Variants in ZMYND8 observed in about 807,000 individuals in gnomAD.
The protein encoded by ZMYND8 is zinc finger MYND-type containing 8.
In ZMYND8, 37 loss-of-function variants were observed where a neutral mutation model predicts 140.8. That is an observed-to-expected ratio of 0.26 (90% confidence interval 0.20 to 0.35). The LOEUF (loss-of-function observed/expected upper bound fraction) is 0.35, where lower values mean the gene tolerates loss of function less well. ZMYND8 is among the 10% of genes least tolerant of loss of function. ZMYND8 has a pLI of 1.00. For missense variants in ZMYND8, 1,068 were observed against 1,570.0 expected, an observed-to-expected ratio of 0.68 and a Z score of 5.40; for synonymous variants, 592 against 597.1, an observed-to-expected ratio of 0.99 and a Z score of 0.12.
chr20:47,215,617 C>G (rs751778058), intron 21 of ZMYND8, among the ~76,000 whole-genome samples: 1 of 152,012 alleles, frequency 6.6e-6, no homozygotes, highest in Admixed American at 6.6e-5. Flanking sequence ...CAAGTAACCC[C>G]CCTGACTCAG....
intron 2 of ZMYND8, among the ~76,000 whole-genome samples, chr20:47,314,195 C>T (rs977688008): frequency 3.3e-5 from 5 of 151,826 alleles, no homozygotes; most frequent in East Asian, 2.0e-4. Flanking sequence ...GACTGGATGA[C>T]GTTACGAAAA....
At chr20:47,262,526 T>C in intron 11 of ZMYND8, 98 bp from the exon 12 acceptor site, 3 of 1,512,910 alleles carry the variant, frequency 2.0e-6, no homozygotes, top group Non-Finnish European at 2.7e-6. Context: ...TATGAAATTG[T>C]GTTTGATTTC....
intron 15 of ZMYND8, 93 bp from the exon 16 acceptor site, chr20:47,236,609 C>T (rs952441940): frequency 2.3e-6 from 3 of 1,291,370 alleles, no homozygotes; most frequent in Non-Finnish European, 3.1e-6. Context: ...AATAGACATC[C>T]TGAGAGCTTT....
chr20:47,356,351 G>T, intron 1 of ZMYND8: 3 of 1,301,050 alleles, frequency 2.3e-6, no homozygotes, highest in Non-Finnish European at 3.0e-6. Flanking sequence ...AAAAAAGAAG[G>T]AAAAAAAAAA....
At chr20:47,327,632 C>A (rs2080552478) in intron 2 of ZMYND8, among the ~76,000 whole-genome samples, 1 of 151,932 alleles carries the variant, frequency 6.6e-6, no homozygotes, top group African/African-American at 2.4e-5. Flanking sequence ...CTTCAGCCTG[C>A]GCGGCAGAGT....
chr20:47,287,811 G>A (rs1427820546), intron 7 of ZMYND8, among the ~76,000 whole-genome samples: 1 of 150,996 alleles, frequency 6.6e-6, no homozygotes, highest in African/African-American at 2.5e-5. Context: ...GGGCAACATA[G>A]CGAGACCCCA....
At chr20:47,293,277 G>A (rs1011652729) in intron 5 of ZMYND8, among the ~76,000 whole-genome samples, 3 of 151,300 alleles carry the variant, frequency 2.0e-5, no homozygotes, top group Admixed American at 6.6e-5. Flanking sequence ...TTCATCTATA[G>A]AAAAAATGTC....
intron 2 of ZMYND8, among the ~76,000 whole-genome samples, chr20:47,315,870 G>A (rs770401285): frequency 2.0e-5 from 3 of 152,094 alleles, no homozygotes; most frequent in Non-Finnish European, 2.9e-5. Context: ...AAAAATGAGT[G>A]GTTCTGAATG....
intron 2 of ZMYND8, among the ~76,000 whole-genome samples, chr20:47,344,484 A>G (rs2082176694): frequency 1.3e-5 from 2 of 152,240 alleles, no homozygotes; most frequent in Admixed American, 1.3e-4. Flanking sequence ...TAAGTTCCAC[A>G]AAAACAAGAA....
At chr20:47,235,497 G>C (rs2039109255) in intron 16 of ZMYND8, among the ~76,000 whole-genome samples, 1 of 152,114 alleles carries the variant, frequency 6.6e-6, no homozygotes, top group Non-Finnish European at 1.5e-5. Context: ...CCGAGGTCAG[G>C]AGTTTGAGAC....
chr20:47,329,981 AATAC>A (rs1213947397), intron 2 of ZMYND8, among the ~76,000 whole-genome samples: 1 of 152,168 alleles, frequency 6.6e-6, no homozygotes, highest in African/African-American at 2.4e-5. Flanking sequence ...ATCAAAGCTG[AATAC>A]TTTCGTGGGC....
chr20:47,275,664 G>A (rs2076213288), intron 11 of ZMYND8, among the ~76,000 whole-genome samples: 2 of 151,998 alleles, frequency 1.3e-5, no homozygotes, highest in Admixed American at 1.3e-4. Flanking sequence ...ATACAACAGC[G>A]CAATCATAGC....
At chr20:47,316,448 T>C (rs1390589821) in intron 2 of ZMYND8, among the ~76,000 whole-genome samples, 1 of 152,074 alleles carries the variant, frequency 6.6e-6, no homozygotes, top group African/African-American at 2.4e-5. Flanking sequence ...AGGGGCATCT[T>C]AATTCAAGAT....
chr20:47,232,334 G>A (rs935080113), intron 16 of ZMYND8, among the ~76,000 whole-genome samples: 3 of 151,868 alleles, frequency 2.0e-5, no homozygotes, highest in Non-Finnish European at 2.9e-5. Flanking sequence ...AGATTACACT[G>A]CTGCACTCCA....
chr20:47,336,255 T>C (rs1317475132), intron 2 of ZMYND8, among the ~76,000 whole-genome samples: 1 of 152,174 alleles, frequency 6.6e-6, no homozygotes, highest in Admixed American at 6.5e-5. Flanking sequence ...AATTGTACAT[T>C]CTCTAGCATC....
In ZMYND8 at chr20:47,298,207, G is replaced by GT. The variant is rs894244503; in HGVS notation, c.453+521dup. On this transcript the variant is annotated intron_variant, in intron 4 of 22. Coordinates refer to ENST00000471951, the MANE Select transcript of ZMYND8 (RefSeq NM_001281775.3). This position sits in a 1 kb window ranked among gnomAD's most constrained non-coding sequence, Gnocchi z 5.0. ...GGAAAAAAAAAAATGATCCATGCCT[G>GT]TTTTTGTGCACTGTCGAATTCCCAG... 4 of 922,542 alleles carry GT rather than the reference G, an allele frequency of 4.3e-6. No homozygotes were observed. The African/African-American group carries it at 7.2e-5, about 17-fold the overall frequency. 57.1% of individuals were successfully genotyped at this position (922,542 alleles called of 1,614,324 possible). A position where few individuals can be genotyped will look rare whatever the true frequency, so the allele number is the denominator to read the frequency against.
intron 12 of ZMYND8, among the ~76,000 whole-genome samples, chr20:47,261,527 G>A (rs2075148180): frequency 6.7e-6 from 1 of 150,308 alleles, no homozygotes; most frequent in African/African-American, 2.5e-5. Context: ...GACAGAGTGA[G>A]ACCCCATCTC....
intron 3 of ZMYND8, among the ~76,000 whole-genome samples, chr20:47,303,309 G>A (rs367604336): frequency 2.8e-4 from 43 of 152,224 alleles, no homozygotes; most frequent in Admixed American, 8.5e-4. Flanking sequence ...TTTCTACCCC[G>A]AGTGAGGTCT....
At chr20:47,328,921 T>C (rs2080699018) in intron 2 of ZMYND8, among the ~76,000 whole-genome samples, 1 of 152,216 alleles carries the variant, frequency 6.6e-6, no homozygotes, top group African/African-American at 2.4e-5. Flanking sequence ...TAAAGCATGT[T>C]GAAGGCTGGA....
Sources: gnomAD v4.1 joint callset for allele counts (sites outside exome capture counted in the v4.1 genomes callset) on GRCh38, gnomAD v4.1.1 for gene constraint, Gnocchi (gnomAD v3.1) non-coding constraint, MANE v1.5 for transcripts, NCBI Gene and HGNC (gene_info 2026-07-23, HGNC 2026-07-21) for gene names.